Variants in RASSF8 observed in about 807,000 individuals in gnomAD.
RASSF8 encodes Ras association domain family member 8, also known as ras association domain-containing protein 8.
RASSF8 carries 22 observed loss-of-function variants against 48.5 expected under a neutral mutation model. That is an observed-to-expected ratio of 0.45 (90% CI 0.32 to 0.65). The LOEUF is 0.65. Ranked by LOEUF, RASSF8 falls within the 30% of genes least tolerant of loss-of-function variation. The probability of loss-of-function intolerance (pLI) is 0.03; values close to 1 mark genes in which losing one functional copy is unlikely to be tolerated. For missense variants in RASSF8, 418 were observed against 489.2 expected, an observed-to-expected ratio of 0.85 and a Z score of 1.37; for synonymous variants, 127 against 171.5, an observed-to-expected ratio of 0.74 and a Z score of 2.03.
In RASSF8 at chr12:26,070,139, T is replaced by C; in HGVS notation, c.*1321T>C. On this transcript the variant is annotated 3_prime_UTR_variant, in exon 6 of 6. Coordinates refer to ENST00000689635, the MANE Select transcript of RASSF8 (RefSeq NM_001394098.1). ...TGGTACAGTATAATTAAGACTTTAA[T>C]CTGAAATTTAAAGTAGTTTTAATTC... is the stretch of plus-strand genomic sequence containing the variant. The C allele has an allele frequency of 2.1e-6, 2 of 967,400 alleles. No homozygotes were observed. The highest frequency in any genetic ancestry group is 2.5e-6 in the Non-Finnish European group (2 of 813,486). 59.9% of individuals were successfully genotyped at this position (967,400 alleles called of 1,614,324 possible). A position where few individuals can be genotyped will look rare whatever the true frequency, so the allele number is the denominator to read the frequency against.
chr12:26,050,222 T>C (rs1458196059), intron 2 of RASSF8, among the ~76,000 whole-genome samples: 1 of 152,280 alleles, frequency 6.6e-6, no homozygotes, highest in East Asian at 1.9e-4. Flanking sequence ...AATTTTTGAA[T>C]GTGCTGCTGC....
At chr12:25,996,901 G>C (rs1942147206) in intron 2 of RASSF8, among the ~76,000 whole-genome samples, 2 of 152,062 alleles carry the variant, frequency 1.3e-5, no homozygotes, top group Admixed American at 6.5e-5. Context: ...GTTAACTTTG[G>C]TGGTCAGCAA....
At chr12:26,029,359 T>C (rs1409186587) in intron 2 of RASSF8, among the ~76,000 whole-genome samples, 1 of 152,236 alleles carries the variant, frequency 6.6e-6, no homozygotes, top group Non-Finnish European at 1.5e-5. Context: ...ACACAGTAAG[T>C]GACAGTGCTT....
chr12:25,971,556 T>C (rs1271386215), intron 1 of RASSF8, among the ~76,000 whole-genome samples: 2 of 151,636 alleles, frequency 1.3e-5, no homozygotes, highest in Non-Finnish European at 1.5e-5. Flanking sequence ...TCTTCCTAGT[T>C]TTCATTTCAT....
chr12:26,074,348 G>A (rs569512968), downstream of RASSF8, among the ~76,000 whole-genome samples: 19 of 152,008 alleles, frequency 1.2e-4, no homozygotes, highest in Non-Finnish European at 2.2e-4. Flanking sequence ...TCTACCTTCA[G>A]GAGGTTTTTT....
chr12:26,025,543 A>T (rs1382020764), intron 2 of RASSF8, among the ~76,000 whole-genome samples: 1 of 143,922 alleles, frequency 6.9e-6, no homozygotes, highest in Non-Finnish European at 1.5e-5. Flanking sequence ...GCCCTGGGCG[A>T]CAGAGTGAGA....
chr12:25,995,001 T>G (rs541175977), intron 1 of RASSF8, 36 bp from the exon 2 acceptor site: 4 of 152,158 alleles, frequency 2.6e-5, no homozygotes, highest in African/African-American at 7.2e-5. Flanking sequence ...AGATACAAAT[T>G]AGCCAGGACT....
chr12:26,002,696 A>G (rs1160860310), intron 2 of RASSF8, among the ~76,000 whole-genome samples: 5 of 152,110 alleles, frequency 3.3e-5, no homozygotes, highest in Non-Finnish European at 5.9e-5. Context: ...AATCACTTGA[A>G]CCCAGGAGGC....
At chr12:26,017,937 GAA>G (rs1942690985) in intron 2 of RASSF8, among the ~76,000 whole-genome samples, 1 of 152,220 alleles carries the variant, frequency 6.6e-6, no homozygotes, top group South Asian at 2.1e-4. Flanking sequence ...CACACAACCC[GAA>G]AAGTCTTTCA....
intron 1 of RASSF8, among the ~76,000 whole-genome samples, chr12:25,987,348 T>C (rs911574663): frequency 6.6e-6 from 1 of 152,218 alleles, no homozygotes; most frequent in Non-Finnish European, 1.5e-5. Flanking sequence ...TCTTAGATTT[T>C]TTTGACTAGC....
intron 1 of RASSF8, among the ~76,000 whole-genome samples, chr12:25,971,661 G>T (rs1941488790): frequency 3.3e-5 from 5 of 152,282 alleles, no homozygotes; most frequent in Middle Eastern, 3.4e-3. Context: ...GTTATGATGT[G>T]TGTCTCTTTT....
chr12:26,054,461 T>TAA, intron 2 of RASSF8, among the ~76,000 whole-genome samples: 1 of 152,306 alleles, frequency 6.6e-6, no homozygotes, highest in Admixed American at 6.5e-5. Context: ...TTAAGAAAAC[T>TAA]ATCAAACCCA....
intron 1 of RASSF8, among the ~76,000 whole-genome samples, chr12:25,987,691 A>G (rs919009358): frequency 4.6e-5 from 7 of 152,202 alleles, no homozygotes; most frequent in Admixed American, 3.3e-4. Flanking sequence ...ATACTTGAAC[A>G]TGCCAACACA....
Position 26,002,076 on chromosome 12 carries a change from G to A in RASSF8, c.-109+6946G>A, listed in dbSNP as rs78126249. ...CTAATGGGGCTATATGTGGTCCATCGTTGACTAAAACATTGTTATGTAGAG... is the reference window on the plus strand; with the variant it reads ...CTAATGGGGCTATATGTGGTCCATCATTGACTAAAACATTGTTATGTAGAG... On this transcript the variant is annotated intron_variant, in intron 2 of 5. Transcript: ENST00000689635. Among the ~76,000 whole-genome samples, 1,106 of 152,272 alleles carry A rather than the reference G, an allele frequency of 7.3e-3. 14 individuals carry two copies. Among genetic ancestry groups the A allele is most frequent in the African/African-American group, 0.025 (1,049 of 41,552 alleles).
rs1565652067 is a variant in RASSF8 at position 26,071,074 on chromosome 12, G to A, written c.*2256G>A. On this transcript the variant is annotated 3_prime_UTR_variant, in exon 6 of 6. Transcript: ENST00000689635. The stretch of plus-strand genomic sequence containing the variant: ...ACAGATTTAAAAAAATTTCCTAGGC[G>A]ACGAAAGTATAGAAATGTGAATATG... 4 of 980,750 alleles carry A rather than the reference G, an allele frequency of 4.1e-6. No homozygotes were observed. The highest frequency in any genetic ancestry group is 6.2e-5 in the Admixed American group (1 of 16,244). 60.8% of individuals were successfully genotyped at this position (980,750 alleles called of 1,614,324 possible).
intron 2 of RASSF8, among the ~76,000 whole-genome samples, chr12:26,005,660 G>A (rs765093326): frequency 4.6e-5 from 7 of 152,124 alleles, no homozygotes; most frequent in East Asian, 1.9e-4. Context: ...GAAACCCATC[G>A]TTTCTGCCTT....
chr12:26,063,712 T>C (rs1267225270), intron 3 of RASSF8, among the ~76,000 whole-genome samples: 4 of 151,780 alleles, frequency 2.6e-5, no homozygotes, highest in African/African-American at 4.8e-5. Flanking sequence ...CTGGTTTGTT[T>C]TTAACAATAT....
At chr12:25,994,282 A>ATT (rs761250717) in intron 1 of RASSF8, among the ~76,000 whole-genome samples, 54,654 of 148,024 alleles carry the variant, frequency 0.37, 10,732 homozygotes, top group Non-Finnish European at 0.45. Context: ...GATTTTTAAA[A>ATT]AAAAAAAAAA....
chr12:25,965,110 T>G (rs1419491989), intron 1 of RASSF8, among the ~76,000 whole-genome samples: 1 of 151,658 alleles, frequency 6.6e-6, no homozygotes, highest in Admixed American at 6.6e-5. Context: ...GCCCAGCTAA[T>G]TTTTTACATT....
Sources: allele counts gnomAD v4.1 joint callset (sites outside exome capture counted in the v4.1 genomes callset), GRCh38; gene constraint gnomAD v4.1.1; transcripts MANE v1.5; gene names NCBI Gene and HGNC (gene_info 2026-07-23, HGNC 2026-07-21).